The following ITGAL variants were observed in gnomAD, a reference collection of about 807,000 sequenced individuals.
ITGAL encodes the protein integrin alpha-L.
Under a neutral mutation model 138.4 loss-of-function variants are expected in ITGAL, and 68 were observed. The ratio of observed to expected loss-of-function variants is 0.49; its 90% confidence interval spans 0.40 to 0.60. The LOEUF is 0.60. ITGAL is among the 20% of genes least tolerant of loss of function. The pLI is 0.00. For synonymous variants in ITGAL, 561 were observed against 584.3 expected (o/e 0.96, Z 0.57); for missense variants, 1,256 against 1,478.6 (o/e 0.85, Z 2.47).
chr16:30,498,263 C>CAAA (rs762799726), intron 15 of ITGAL, among the ~76,000 whole-genome samples: 40,880 of 117,458 alleles, frequency 0.35, 6,981 homozygotes, highest in Non-Finnish European at 0.42. Flanking sequence ...AGGAGGATCT[C>CAAA]AAAAAAAAAA....
rs35660137 is a variant in ITGAL, at chr16:30,488,834, G to T, written c.1007-248G>T. On this transcript the variant is annotated intron_variant, in intron 9 of 30. Transcript: ENST00000356798. ...TGAGGCTGCAGTGAGCTGTGATTGC[G>T]CCACTGCACTCCAACCTGGGCAACA... is the stretch of plus-strand genomic sequence containing the variant. 7.2e-3 allele frequency: 3,446 copies of T among 480,360 alleles called. 17 individuals carry two copies. Among genetic ancestry groups the T allele is most frequent in the Non-Finnish European group, 9.8e-3 (2,535 of 259,836 alleles). The allele number at this position is 480,360 out of a possible 1,614,324, so 29.8% of individuals were successfully genotyped here. A position where few individuals can be genotyped will look rare whatever the true frequency, so the allele number is the denominator to read the frequency against.
intron 15 of ITGAL, among the ~76,000 whole-genome samples, chr16:30,497,268 A>G (rs58352765): frequency 1.5e-4 from 22 of 151,072 alleles, no homozygotes; most frequent in African/African-American, 4.4e-4. Flanking sequence ...GCGTGAACCC[A>G]GGAGGCGGAG....
rs35140453 is a variant in ITGAL, at chr16:30,516,918, G to T, written c.2863-55G>T. The T allele has an allele frequency of 2.7e-4, 330 of 1,230,126 alleles. 1 individual carries two copies. The East Asian group carries it at 7.5e-3, about 28-fold the overall frequency. The allele number at this position is 1,230,126 out of a possible 1,614,324, so 76.2% of individuals were successfully genotyped here. On this transcript the variant is annotated intron_variant, in intron 25 of 30. Transcript: ENST00000356798. ...CGTGCAAGGGCACACAGGGTCTGGGGGGCAGCTGGGGTGGCTGGCATTCAG... is the reference window on the plus strand; with the variant it reads ...CGTGCAAGGGCACACAGGGTCTGGGTGGCAGCTGGGGTGGCTGGCATTCAG...
rs912419731 is a variant in ITGAL at position 30,505,517 on chromosome 16, C to A, written c.2366+55C>A. On this transcript the variant is annotated intron_variant, in intron 20 of 30. Transcript: ENST00000356798. ...CCATCCACTCTGTTTTAAGACCCCCCACTCCACTCACCAGATATGTCATTT... is the reference window on the plus strand; with the variant it reads ...CCATCCACTCTGTTTTAAGACCCCCAACTCCACTCACCAGATATGTCATTT... 4.0e-6 allele frequency: 5 copies of A among 1,255,874 alleles called. No individual in the cohort carries two copies. The Admixed American group carries it at 8.4e-5, about 21-fold the overall frequency. The allele number at this position is 1,255,874 out of a possible 1,614,324, so 77.8% of individuals were successfully genotyped here.
At chr16:30,490,021 G>A (rs1213655430) in intron 11 of ITGAL, among the ~76,000 whole-genome samples, 1 of 152,080 alleles carries the variant, frequency 6.6e-6, no homozygotes, top group East Asian at 1.9e-4. Flanking sequence ...GAGGTCAGGA[G>A]TTCGAGACCA....
intron 20 of ITGAL, among the ~76,000 whole-genome samples, chr16:30,506,196 G>T (rs530132542): frequency 1.3e-5 from 2 of 148,940 alleles, no homozygotes; most frequent in African/African-American, 5.0e-5. Flanking sequence ...GGAGGTGGAG[G>T]TTGCAGTAAG....
At chr16:30,521,049 A>G (rs1347771023) in intron 30 of ITGAL, among the ~76,000 whole-genome samples, 4 of 151,928 alleles carry the variant, frequency 2.6e-5, no homozygotes, top group Non-Finnish European at 5.9e-5. Flanking sequence ...GTGCCATTGC[A>G]CTCCAGCCTG....
intron 21 of ITGAL, among the ~76,000 whole-genome samples, chr16:30,507,704 C>T (rs985827662): frequency 2.0e-5 from 3 of 151,730 alleles, no homozygotes; most frequent in Non-Finnish European, 4.4e-5. Flanking sequence ...CCAGGCTAGT[C>T]TCAAACTTCT....
chr16:30,476,633 C>CT (rs36005241), intron 4 of ITGAL, among the ~76,000 whole-genome samples: 24,313 of 137,370 alleles, frequency 0.18, 2,619 homozygotes, highest in South Asian at 0.59. Context: ...GGAAACACTG[C>CT]TTTTTTTTTT....
chr16:30,489,204 G>C (rs1158648243), intron 10 of ITGAL, 49 bp downstream of exon 10: 1 of 1,613,216 alleles, frequency 6.2e-7, no homozygotes. Context: ...AGTTGGCTCT[G>C]GGGGGTGGGT....
intron 9 of ITGAL, among the ~76,000 whole-genome samples, chr16:30,485,097 TTTCTTTCTCTTCC>T (rs1462801261): frequency 6.6e-6 from 1 of 151,926 alleles, no homozygotes; most frequent in Non-Finnish European, 1.5e-5. Flanking sequence ...CTCTGTGATC[TTTCTTTCTCTTCC>T]TTCTTTCTCT....
chr16:30,509,953 C>T (rs192474685), intron 21 of ITGAL, among the ~76,000 whole-genome samples: 30 of 151,868 alleles, frequency 2.0e-4, no homozygotes, highest in Non-Finnish European at 3.1e-4. Context: ...GCAGGAGGAT[C>T]GCTTGAGCCT....
Position 30,499,020 on chromosome 16 carries a change from G to C in ITGAL, c.1833-54G>C, listed in dbSNP as rs1597087849. 11 of 1,570,346 alleles carry C rather than the reference G, an allele frequency of 7.0e-6. No individual in the cohort carries two copies. In the East Asian group the frequency reaches 2.3e-4, roughly 33 times the overall value. ...TGCTGGCGGGAGCCCCACATCTGAG[G>C]GGGGACGTGCAGTTGGGTTGGAGGG... On this transcript the variant is annotated intron_variant, in intron 15 of 30. Coordinates refer to ENST00000356798, the MANE Select transcript of ITGAL (RefSeq NM_002209.3).
chr16:30,473,097 GAC>G (rs1301660808), intron 1 of ITGAL, among the ~76,000 whole-genome samples, 199 bp downstream of exon 1: 5 of 152,126 alleles, frequency 3.3e-5, no homozygotes, highest in African/African-American at 1.2e-4. Flanking sequence ...TGGAGGCAAA[GAC>G]AGAGAAGGGA....
At chr16:30,478,130 TTG>T (rs1310021508) in intron 4 of ITGAL, among the ~76,000 whole-genome samples, 2 of 147,164 alleles carry the variant, frequency 1.4e-5, no homozygotes, top group Non-Finnish European at 3.0e-5. Flanking sequence ...GGTCAGGAGT[TTG>T]AGACCATCCT....
intron 26 of ITGAL, 127 bp from the exon 27 acceptor site, chr16:30,517,522 A>G: frequency 1.3e-6 from 1 of 753,780 alleles, no homozygotes; most frequent in Non-Finnish European, 2.3e-6. Context: ...GGATGAATTC[A>G]GGTCCTGCTG....
chr16:30,507,316 G>A (rs1053733895), intron 21 of ITGAL, among the ~76,000 whole-genome samples: 1 of 152,096 alleles, frequency 6.6e-6, no homozygotes, highest in East Asian at 1.9e-4. Context: ...AAAATTAGCC[G>A]GGCGAGGTGG....
chr16:30,521,996 G>A lies in ITGAL; in HGVS notation c.*331G>A, dbSNP rs927765782. 3.8e-6 allele frequency: 1 copy of A among 263,866 alleles called. No individual in the cohort carries two copies. The highest frequency in any genetic ancestry group is 7.4e-6 in the Non-Finnish European group (1 of 135,986). 16.3% of individuals were successfully genotyped at this position (263,866 alleles called of 1,614,324 possible). Reference sequence around the variant, plus strand: ...TAGTCTCAGGACCTAGGGATGTTCTGGCCCTCACCCCTGCCCTGGGATGTC... The same window carrying A: ...TAGTCTCAGGACCTAGGGATGTTCTAGCCCTCACCCCTGCCCTGGGATGTC... On this transcript the variant is annotated 3_prime_UTR_variant, in exon 31 of 31. Coordinates refer to ENST00000356798, the MANE Select transcript of ITGAL (RefSeq NM_002209.3).
intron 29 of ITGAL, 141 bp downstream of exon 29, chr16:30,518,860 GCTT>G (rs2051210585): frequency 1.0e-5 from 7 of 668,536 alleles, no homozygotes; most frequent in Non-Finnish European, 1.9e-5. Flanking sequence ...CCTGGGAGAA[GCTT>G]CTTCTCCCCT....
Sources: gnomAD v4.1 joint callset for allele counts (sites outside exome capture counted in the v4.1 genomes callset) on GRCh38, gnomAD v4.1.1 for gene constraint, MANE v1.5 for transcripts, NCBI Gene and HGNC (gene_info 2026-07-23, HGNC 2026-07-21) for gene names.